The following PHF14 variants were observed in gnomAD, a reference collection of about 807,000 sequenced individuals.
The protein encoded by PHF14 is PHD finger protein 14.
Under a neutral mutation model 117.9 loss-of-function variants are expected in PHF14, and 55 were observed. The ratio of observed to expected loss-of-function variants is 0.47; its 90% confidence interval spans 0.38 to 0.58. PHF14 has a LOEUF of 0.58. Among genes scored for constraint, PHF14 ranks in the 20% least tolerant of loss-of-function variants. The pLI is 0.00. For synonymous variants in PHF14, 409 were observed against 368.6 expected, an observed-to-expected ratio of 1.11 and a Z score of -1.26; for missense variants, 978 against 1,122.2, an observed-to-expected ratio of 0.87 and a Z score of 1.84.
chr7:11,073,683 A>G (rs533255854), intron 16 of PHF14, among the ~76,000 whole-genome samples: 1 of 152,034 alleles, frequency 6.6e-6, no homozygotes, highest in South Asian at 2.1e-4. Context: ...GAGGGTTCCA[A>G]CTCCACATTT....
Position 11,106,994 on chromosome 7 carries a change from T to C in PHF14, c.2655-4356T>C, listed in dbSNP as rs1000303908. 5.2e-5 allele frequency: 51 copies of C among 982,846 alleles called. No homozygotes were observed. The East Asian group carries it at 1.1e-3, about 22-fold the overall frequency. The allele number at this position is 982,846 out of a possible 1,614,324, so 60.9% of individuals were successfully genotyped here. A position where few individuals can be genotyped will look rare whatever the true frequency, so the allele number is the denominator to read the frequency against. Reference sequence around the variant, plus strand: ...TACATCCTTGTTCAAGTCTATGTTATGGATTTTGCTTCTTTCTAAAGTTTA... The same window carrying C: ...TACATCCTTGTTCAAGTCTATGTTACGGATTTTGCTTCTTTCTAAAGTTTA... On this transcript the variant is annotated intron_variant, in intron 16 of 17. Transcript: ENST00000634607.
intron 4 of PHF14, 111 bp downstream of exon 4, chr7:10,990,958 A>G: frequency 1.5e-6 from 1 of 683,804 alleles, no homozygotes; most frequent in Non-Finnish European, 2.3e-6. Flanking sequence ...AAATAATGCT[A>G]AATCATCAAA....
chr7:11,151,815 A>G (rs1231736334), intron 17 of PHF14, among the ~76,000 whole-genome samples: 2 of 152,164 alleles, frequency 1.3e-5, no homozygotes, highest in South Asian at 2.1e-4. Flanking sequence ...CTGTTAAAGT[A>G]TTGAGAAAGC....
At chr7:11,008,327 CT>C (rs1783199196) in intron 4 of PHF14, among the ~76,000 whole-genome samples, 2 of 152,108 alleles carry the variant, frequency 1.3e-5, no homozygotes, top group South Asian at 4.1e-4. Context: ...TACTTTACTT[CT>C]TTTGTGCTTT....
rs757802554 is a variant in PHF14 at position 11,022,986 on chromosome 7, C to G, written c.1317+7C>G. ...TTCCAAATATGGTGCCAAGGTGAGA[C>G]ACAAAGCATTTTTGATTGCTTGAAA... On this transcript the variant is annotated splice_region_variant and intron_variant, in intron 6 of 17. Coordinates refer to ENST00000634607, the MANE Select transcript of PHF14 (RefSeq NM_001007157.2). 7.3e-6 allele frequency: 11 copies of G among 1,499,328 alleles called. No homozygotes were observed. Among genetic ancestry groups the G allele is most frequent in the South Asian group, 1.2e-5 (1 of 84,140 alleles). The allele number at this position is 1,499,328 out of a possible 1,614,324, so 92.9% of individuals were successfully genotyped here. A position where few individuals can be genotyped will look rare whatever the true frequency, so the allele number is the denominator to read the frequency against.
At chr7:11,072,761 G>A (rs1389711894) in intron 16 of PHF14, among the ~76,000 whole-genome samples, 1 of 152,186 alleles carries the variant, frequency 6.6e-6, no homozygotes, top group Non-Finnish European at 1.5e-5. Context: ...AGTTCTGCAG[G>A]CTGTTCAAGC....
intron 16 of PHF14, among the ~76,000 whole-genome samples, chr7:11,080,901 G>A (rs1786074701): frequency 6.6e-6 from 1 of 152,148 alleles, no homozygotes; most frequent in African/African-American, 2.4e-5. Flanking sequence ...CAACAGTAAT[G>A]AAGATAATGT....
intron 13 of PHF14, among the ~76,000 whole-genome samples, chr7:11,047,126 T>C (rs1784692367): frequency 6.6e-6 from 1 of 151,958 alleles, no homozygotes; most frequent in African/African-American, 2.4e-5. Context: ...TGGGGTGCAG[T>C]GGCACAATCG....
chr7:11,108,287 T>C (rs1312194808), intron 16 of PHF14: 1 of 151,708 alleles, frequency 6.6e-6, no homozygotes, highest in Non-Finnish European at 1.5e-5. Context: ...TTTACAAAGA[T>C]CTTATATTTG....
intron 17 of PHF14, among the ~76,000 whole-genome samples, chr7:11,150,285 G>C (rs1443494454): frequency 1.3e-5 from 2 of 152,114 alleles, no homozygotes; most frequent in Admixed American, 6.6e-5. Context: ...GGTTATTGTT[G>C]TGCAGGAAAC....
chr7:11,122,352 T>TATATATATATATATATATATATATAC, intron 17 of PHF14, among the ~76,000 whole-genome samples: 41 of 65,830 alleles, frequency 6.2e-4, no homozygotes, highest in Non-Finnish European at 8.7e-4. Context: ...TATATATATA[T>TATATATATATATATATATATATATAC]ACACACACAC....
At chr7:11,116,416 G>A (rs904622222) in intron 17 of PHF14, among the ~76,000 whole-genome samples, 3 of 151,998 alleles carry the variant, frequency 2.0e-5, no homozygotes, top group Non-Finnish European at 4.4e-5. Flanking sequence ...CTGGATGTAG[G>A]TATACGTATT....
rs1782829990 is a variant in PHF14 at position 11,000,570 on chromosome 7, C to T, written c.1045+9723C>T. Among the ~76,000 whole-genome samples the T allele has an allele frequency of 2.0e-5, 3 of 152,160 alleles. No homozygotes were observed. In the South Asian group the frequency reaches 6.2e-4, roughly 32 times the overall value. On this transcript the variant is annotated intron_variant, in intron 4 of 17. Coordinates refer to ENST00000634607, the MANE Select transcript of PHF14 (RefSeq NM_001007157.2). ...GCCAGGCTGGTCTCAAACTCCAGAC[C>T]TCAAGTGATCCACCTGCCTTGGTCT... is the stretch of plus-strand genomic sequence containing the variant.
At chr7:11,147,579 T>G (rs1166504280) in intron 17 of PHF14, among the ~76,000 whole-genome samples, 1 of 152,198 alleles carries the variant, frequency 6.6e-6, no homozygotes, top group Non-Finnish European at 1.5e-5. Context: ...CTCAATGTTA[T>G]TTAACAATGT....
At position 11,009,068 on chromosome 7, in the gene PHF14, G is replaced by A. The variant is rs571029632; in HGVS notation, c.1046-4679G>A. Among the ~76,000 whole-genome samples the A allele has an allele frequency of 3.7e-4, 56 of 150,808 alleles. 3 individuals are homozygous for A. Among genetic ancestry groups the A allele is most frequent in the African/African-American group, 1.3e-3 (55 of 41,172 alleles). ...AAAAAAAAAAGTCTTTTTTATTGAT[G>A]AGTTTCATAGTCAAAAGTCTAATGA... is the stretch of plus-strand genomic sequence containing the variant. On this transcript the variant is annotated intron_variant, in intron 4 of 17. Coordinates refer to ENST00000634607, the MANE Select transcript of PHF14 (RefSeq NM_001007157.2).
intron 16 of PHF14, among the ~76,000 whole-genome samples, chr7:11,094,909 AT>A (rs1786786995): frequency 6.6e-6 from 1 of 152,060 alleles, no homozygotes. Context: ...AAAAGTTATA[AT>A]TTTGTAGTTT....
At chr7:11,034,574 A>T (rs1259092476) in intron 7 of PHF14, among the ~76,000 whole-genome samples, 11 of 113,354 alleles carry the variant, frequency 9.7e-5, no homozygotes, top group Non-Finnish European at 1.5e-4. Context: ...TTTGAGACAG[A>T]CTGTCGCTCT....
rs1781810632 is a variant in PHF14 at position 10,974,959 on chromosome 7, T to C, written c.112+14T>C. 8.9e-6 allele frequency: 11 copies of C among 1,242,116 alleles called. No individual in the cohort carries two copies. The highest frequency in any genetic ancestry group is 7.7e-5 in the South Asian group (6 of 77,848). 76.9% of individuals were successfully genotyped at this position (1,242,116 alleles called of 1,614,324 possible). On this transcript the variant is annotated intron_variant, in intron 2 of 17. Transcript: ENST00000634607. Reference sequence around the variant, plus strand: ...GAGATGCCTCAGGTAAATATTTCCTTCTCTCTTCCCCTTTCCCAGCTTTCT... The same window carrying C: ...GAGATGCCTCAGGTAAATATTTCCTCCTCTCTTCCCCTTTCCCAGCTTTCT...
At chr7:11,153,985 G>A (rs1056384933) in intron 17 of PHF14, among the ~76,000 whole-genome samples, 1 of 151,416 alleles carries the variant, frequency 6.6e-6, no homozygotes, top group African/African-American at 2.4e-5. Context: ...TAAGAATAAG[G>A]AATACTTTCC....
Sources: allele counts gnomAD v4.1 joint callset (sites outside exome capture counted in the v4.1 genomes callset), GRCh38; gene constraint gnomAD v4.1.1; transcripts MANE v1.5; gene names NCBI Gene and HGNC (gene_info 2026-07-23, HGNC 2026-07-21).